NXPH1: variants seen among roughly 807,000 people sequenced by gnomAD.
NXPH1 encodes neurexophilin 1.
A neutral mutation model predicts 23.7 loss-of-function variants in NXPH1; 5 were observed. The ratio of observed to expected loss-of-function variants is 0.21; its 90% CI spans 0.11 to 0.44. The LOEUF is 0.44. Ranked by LOEUF, NXPH1 falls within the 20% of genes least tolerant of loss-of-function variation. The pLI, the probability that NXPH1 is intolerant of heterozygous loss-of-function variation, is 0.99. For synonymous variants in NXPH1, 144 were observed against 122.2 expected (o/e 1.18, Z -1.18); for missense variants, 324 against 321.6 (o/e 1.01, Z -0.06).
intron 2 of NXPH1, among the ~76,000 whole-genome samples, chr7:8,534,749 G>A (rs1009550342): frequency 2.6e-5 from 4 of 151,966 alleles, no homozygotes; most frequent in African/African-American, 4.8e-5. Context: ...TGCTAACAGC[G>A]CTGTGTCAGG....
rs1778431607 is a variant in NXPH1, at chr7:8,435,231, AC to A, written c.-110-371del. The A allele has an allele frequency of 9.0e-6, 2 of 222,134 alleles. No homozygotes were observed. The highest frequency in any genetic ancestry group is 5.3e-5 in the Admixed American group (1 of 19,038). 13.8% of individuals were successfully genotyped at this position (222,134 alleles called of 1,614,324 possible). A position where few individuals can be genotyped will look rare whatever the true frequency, so the allele number is the denominator to read the frequency against. ...TGAGCACTGCCAGGGCTGGCGAAGAACCAGCCGCCGCCTTTAGTCCGAGCCG... is the reference window on the plus strand; with the variant it reads ...TGAGCACTGCCAGGGCTGGCGAAGAACAGCCGCCGCCTTTAGTCCGAGCCG... On this transcript the variant is annotated intron_variant, in intron 1 of 2. Transcript: ENST00000405863. This position sits in a 1 kb window ranked among gnomAD's most constrained non-coding sequence, Gnocchi z 5.9.
At chr7:8,698,624 A>G (rs908508360) in intron 2 of NXPH1, among the ~76,000 whole-genome samples, 6 of 152,190 alleles carry the variant, frequency 3.9e-5, no homozygotes, top group Non-Finnish European at 8.8e-5. Flanking sequence ...TTTGTAGTGT[A>G]TATAGGTTAC....
intron 2 of NXPH1, among the ~76,000 whole-genome samples, chr7:8,555,396 G>A (rs1467951850): frequency 6.6e-6 from 1 of 151,646 alleles, no homozygotes; most frequent in African/African-American, 2.4e-5. Context: ...CAGAAGATAC[G>A]AGTAGATTTT....
chr7:8,739,961 G>T (rs1780333056), intron 2 of NXPH1, among the ~76,000 whole-genome samples: 1 of 152,150 alleles, frequency 6.6e-6, no homozygotes, highest in Admixed American at 6.6e-5. Context: ...TGTATATGCA[G>T]TCCATCTTTG....
chr7:8,509,692 G>A (rs920625388), intron 2 of NXPH1, among the ~76,000 whole-genome samples: 2 of 152,164 alleles, frequency 1.3e-5, no homozygotes, highest in East Asian at 1.9e-4. Flanking sequence ...AAAGTCAGGC[G>A]TGACATGTCT....
chr7:8,600,384 C>A (rs1039620164), intron 2 of NXPH1, among the ~76,000 whole-genome samples: 1 of 152,178 alleles, frequency 6.6e-6, no homozygotes, highest in Non-Finnish European at 1.5e-5. Flanking sequence ...CCACTGGCTT[C>A]TGGTGGTATT....
At chr7:8,528,747 G>C (rs1404010718) in intron 2 of NXPH1, among the ~76,000 whole-genome samples, 1 of 152,172 alleles carries the variant, frequency 6.6e-6, no homozygotes, top group Non-Finnish European at 1.5e-5. Flanking sequence ...TTAAAGTTGA[G>C]ACATCTGTTT....
chr7:8,665,867 G>C (rs1346564028), intron 2 of NXPH1, among the ~76,000 whole-genome samples: 1 of 139,732 alleles, frequency 7.2e-6, no homozygotes, highest in East Asian at 2.2e-4. Flanking sequence ...TTTGTATCCT[G>C]CAACTTTACT....
At chr7:8,696,840 CA>C (rs3059126) in intron 2 of NXPH1, among the ~76,000 whole-genome samples, 40 of 96,968 alleles carry the variant, frequency 4.1e-4, no homozygotes, top group South Asian at 1.1e-3. Flanking sequence ...GACTCCCTCT[CA>C]AAAAAAAAAA....
At chr7:8,600,789 A>C (rs1358353161) in intron 2 of NXPH1, among the ~76,000 whole-genome samples, 1 of 152,148 alleles carries the variant, frequency 6.6e-6, no homozygotes, top group East Asian at 1.9e-4. Context: ...ACTCCATACA[A>C]ATGCAAACAC....
chr7:8,545,940 T>C (rs1290054066), intron 2 of NXPH1, among the ~76,000 whole-genome samples: 1 of 151,500 alleles, frequency 6.6e-6, no homozygotes, highest in African/African-American at 2.4e-5. Flanking sequence ...GTCACTTTTT[T>C]GTGTGTAGGC....
chr7:8,715,368 C>G (rs1277707880), intron 2 of NXPH1, among the ~76,000 whole-genome samples: 1 of 152,128 alleles, frequency 6.6e-6, no homozygotes, highest in Non-Finnish European at 1.5e-5. Flanking sequence ...GTGCCTCTTT[C>G]AGTGATATGA....
intron 2 of NXPH1, among the ~76,000 whole-genome samples, chr7:8,665,648 G>A (rs1042059494): frequency 6.6e-6 from 1 of 151,962 alleles, no homozygotes; most frequent in African/African-American, 2.4e-5. Context: ...TCACATTCAT[G>A]AACATGGGAT....
At chr7:8,446,575 G>T (rs1249031131) in intron 2 of NXPH1, among the ~76,000 whole-genome samples, 1 of 152,098 alleles carries the variant, frequency 6.6e-6, no homozygotes, top group Non-Finnish European at 1.5e-5. Flanking sequence ...TAAAAATGAG[G>T]CTTTTTGAAT....
At chr7:8,717,843 T>TA (rs1355357583) in intron 2 of NXPH1, among the ~76,000 whole-genome samples, 1 of 151,672 alleles carries the variant, frequency 6.6e-6, no homozygotes, top group Non-Finnish European at 1.5e-5. Context: ...TAATAAATAT[T>TA]AAACTTTAAA....
intron 2 of NXPH1, among the ~76,000 whole-genome samples, chr7:8,581,451 G>A (rs1818869999): frequency 6.6e-6 from 1 of 152,130 alleles, no homozygotes; most frequent in South Asian, 2.1e-4. Context: ...GAGAGAATGG[G>A]GGAAGTGCCA....
At chr7:8,464,129 C>T (rs1429171965) in intron 2 of NXPH1, among the ~76,000 whole-genome samples, 1 of 152,092 alleles carries the variant, frequency 6.6e-6, no homozygotes, top group African/African-American at 2.4e-5. Context: ...ACTCTTCCTT[C>T]TCCCCCATAT....
chr7:8,602,009 T>A (rs560547804), intron 2 of NXPH1, among the ~76,000 whole-genome samples: 1 of 152,350 alleles, frequency 6.6e-6, no homozygotes, highest in South Asian at 2.1e-4. Flanking sequence ...CTCTTATATA[T>A]ATGTTATAGT....
chr7:8,653,273 G>T (rs1820519665), intron 2 of NXPH1, among the ~76,000 whole-genome samples: 1 of 152,042 alleles, frequency 6.6e-6, no homozygotes, highest in Admixed American at 6.6e-5. Flanking sequence ...TAGTATATAT[G>T]AGTTACAGTA....
Sources: gnomAD v4.1 joint callset for allele counts (sites outside exome capture counted in the v4.1 genomes callset) on GRCh38, gnomAD v4.1.1 for gene constraint, Gnocchi (gnomAD v3.1) non-coding constraint, MANE v1.5 for transcripts, NCBI Gene and HGNC (gene_info 2026-07-23, HGNC 2026-07-21) for gene names.